RARB: variants seen among roughly 807,000 people sequenced by gnomAD.
RARB encodes the protein HBV-activated protein.
Under a neutral mutation model 51.9 loss-of-function variants are expected in RARB, and 17 were observed. The observed-to-expected ratio is 0.33, with a 90% CI of 0.22 to 0.49. The LOEUF (loss-of-function observed/expected upper bound fraction) is 0.49. Among genes scored for constraint, RARB ranks in the 20% least tolerant of loss-of-function variants. RARB has a pLI of 0.99. For missense variants in RARB, 369 were observed against 550.8 expected, an observed-to-expected ratio of 0.67 and a Z score of 3.30; for synonymous variants, 215 against 195.4, an observed-to-expected ratio of 1.10 and a Z score of -0.84.
At chr3:25,013,234 C>G (rs779120275) in intron 2 of RARB, among the ~76,000 whole-genome samples, 1 of 152,080 alleles carries the variant, frequency 6.6e-6, no homozygotes, top group South Asian at 2.1e-4. Context: ...GGCATGAAGA[C>G]CAGTGTTTAG....
At chr3:25,346,545 C>T (rs1705400802) in intron 5 of RARB, among the ~76,000 whole-genome samples, 1 of 152,156 alleles carries the variant, frequency 6.6e-6, no homozygotes, top group Admixed American at 6.5e-5. Flanking sequence ...TCACCAGTCC[C>T]TGGCAATTTT....
chr3:25,228,548 C>G (rs1702108039), intron 5 of RARB, among the ~76,000 whole-genome samples: 2 of 151,928 alleles, frequency 1.3e-5, no homozygotes, highest in Admixed American at 1.3e-4. Flanking sequence ...ACTAAAGATT[C>G]CATATTTTCT....
chr3:24,884,445 G>C (rs749670631), intron 2 of RARB, among the ~76,000 whole-genome samples: 1 of 152,158 alleles, frequency 6.6e-6, no homozygotes, highest in Non-Finnish European at 1.5e-5. Flanking sequence ...TGAGGGCACA[G>C]TTTTCCAGAG....
At chr3:25,513,561 C>G (rs577543158) in intron 3 of RARB, among the ~76,000 whole-genome samples, 1 of 152,144 alleles carries the variant, frequency 6.6e-6, no homozygotes, top group African/African-American at 2.4e-5. Flanking sequence ...CATGTTACCC[C>G]TTTCATGACA....
At chr3:24,861,235 A>T (rs1702742947) in intron 2 of RARB, among the ~76,000 whole-genome samples, 1 of 152,192 alleles carries the variant, frequency 6.6e-6, no homozygotes, top group African/African-American at 2.4e-5. Flanking sequence ...GGTATAAGTA[A>T]TCTAGAGCTG....
Position 25,446,694 on chromosome 3 carries a change from T to C in RARB, c.158-14499T>C, listed in dbSNP as rs185204445. Among the ~76,000 whole-genome samples the C allele has an allele frequency of 9.3e-3, 1,389 of 149,526 alleles. 23 individuals carry two copies. The highest frequency in any genetic ancestry group is 0.033 in the African/African-American group (1,325 of 40,250). On this transcript the variant is annotated intron_variant, in intron 1 of 7. Transcript: ENST00000330688. The stretch of plus-strand genomic sequence containing the variant: ...GGCAGGCGCCTGTAGTCCCAGCTAC[T>C]TGGGAGGCTGAGGCAGGAGAATAGC...
Position 24,938,637 on chromosome 3 carries a change from C to T in RARB, c.-380+79885C>T, listed in dbSNP as rs376887065. On this transcript the variant is annotated intron_variant, in intron 2 of 11. Transcript: ENST00000383772. Reference sequence around the variant, plus strand: ...AATTAAGTGGCATTAAGCACGCTCACAGTGTTGAACAACTATCACCACTGT... The same window carrying T: ...AATTAAGTGGCATTAAGCACGCTCATAGTGTTGAACAACTATCACCACTGT... 1.0e-3 allele frequency among the ~76,000 whole-genome samples: 153 copies of T among 152,270 alleles called. 1 individual carries two copies. The Middle Eastern group carries it at 0.017, about 17-fold the overall frequency.
At chr3:25,544,806 T>A (rs1699549064) in intron 3 of RARB, among the ~76,000 whole-genome samples, 1 of 152,040 alleles carries the variant, frequency 6.6e-6, no homozygotes, top group Non-Finnish European at 1.5e-5. Context: ...TGTAGATTTT[T>A]GTCCTAAACT....
chr3:25,238,061 G>C (rs1702343897), intron 5 of RARB, among the ~76,000 whole-genome samples: 1 of 152,018 alleles, frequency 6.6e-6, no homozygotes, highest in Admixed American at 6.6e-5. Context: ...ACACATTGCT[G>C]TTACCTTCTT....
chr3:25,497,289 A>G (rs1332104825), intron 2 of RARB, among the ~76,000 whole-genome samples: 2 of 152,154 alleles, frequency 1.3e-5, no homozygotes, highest in Non-Finnish European at 2.9e-5. Context: ...CAGAGGTGTT[A>G]CGATGACTCA....
chr3:25,104,630 T>A (rs1431556999), intron 3 of RARB, among the ~76,000 whole-genome samples: 1 of 152,002 alleles, frequency 6.6e-6, no homozygotes, highest in Non-Finnish European at 1.5e-5. Context: ...GGTGACACAA[T>A]GAGACTCCAT....
At chr3:25,439,019 C>G (rs1181391046) in intron 1 of RARB, among the ~76,000 whole-genome samples, 4 of 152,120 alleles carry the variant, frequency 2.6e-5, no homozygotes, top group Non-Finnish European at 5.9e-5. Context: ...TCAGGGGGTT[C>G]AGACCAGGAT....
At chr3:24,904,315 A>C (rs1181504996) in intron 2 of RARB, among the ~76,000 whole-genome samples, 1 of 152,152 alleles carries the variant, frequency 6.6e-6, no homozygotes, top group Non-Finnish European at 1.5e-5. Context: ...TTATTAGGAA[A>C]TGCCATGAAA....
intron 2 of RARB, among the ~76,000 whole-genome samples, chr3:25,018,430 G>A (rs1454390629): frequency 1.3e-5 from 2 of 152,134 alleles, no homozygotes; most frequent in Non-Finnish European, 2.9e-5. Context: ...GAGAAGAAAG[G>A]TAAATTAGGA....
chr3:24,898,799 T>C (rs1703534945), intron 2 of RARB, among the ~76,000 whole-genome samples: 2 of 152,194 alleles, frequency 1.3e-5, no homozygotes, highest in Admixed American at 1.3e-4. Context: ...TTGGCTTTTG[T>C]CCTTCCTGTT....
intron 4 of RARB, among the ~76,000 whole-genome samples, chr3:25,171,736 G>C (rs1010204651): frequency 6.7e-6 from 1 of 149,510 alleles, no homozygotes; most frequent in Non-Finnish European, 1.5e-5. Context: ...TAATGAGGTA[G>C]TTTGTCAAAT....
intron 2 of RARB, among the ~76,000 whole-genome samples, chr3:24,985,659 GA>G (rs1241934465): frequency 4.6e-5 from 7 of 152,076 alleles, no homozygotes; most frequent in Admixed American, 4.6e-4. Flanking sequence ...AGGGGGTTTG[GA>G]AAAAAACAAA....
chr3:25,329,698 A>G (rs765099684), intron 5 of RARB, among the ~76,000 whole-genome samples: 3 of 152,228 alleles, frequency 2.0e-5, no homozygotes. Flanking sequence ...TCAGACGATC[A>G]GTAATAACAA....
intron 5 of RARB, among the ~76,000 whole-genome samples, chr3:25,320,232 A>G (rs934099179): frequency 1.6e-4 from 25 of 152,272 alleles, no homozygotes; most frequent in African/African-American, 6.0e-4. Flanking sequence ...ATGTTTTCAG[A>G]AAGAATATTA....
Sources: gnomAD v4.1 joint callset for allele counts (sites outside exome capture counted in the v4.1 genomes callset) on GRCh38, gnomAD v4.1.1 for gene constraint, MANE v1.5 for transcripts, NCBI Gene and HGNC (gene_info 2026-07-23, HGNC 2026-07-21) for gene names.